CTIF: variants seen among roughly 807,000 people sequenced by gnomAD.
CTIF encodes the protein cap binding complex dependent translation initiation factor.
In CTIF, 21 loss-of-function variants were observed where a neutral mutation model predicts 66.0. The observed-to-expected ratio is 0.32, with a 90% CI of 0.23 to 0.46. CTIF has a LOEUF of 0.46. Among genes scored for constraint, CTIF ranks in the 20% least tolerant of loss-of-function variants. CTIF has a pLI of 1.00. For missense variants in CTIF, 739 were observed against 812.7 expected, an observed-to-expected ratio of 0.91 and a Z score of 1.10; for synonymous variants, 345 against 326.4, an observed-to-expected ratio of 1.06 and a Z score of -0.62.
At chr18:48,757,183 C>A (rs1343202136) in intron 7 of CTIF, among the ~76,000 whole-genome samples, 1 of 152,132 alleles carries the variant, frequency 6.6e-6, no homozygotes, top group African/African-American at 2.4e-5. Context: ...CAGATTAGGG[C>A]CCATCCTAAC....
At chr18:48,619,485 C>A in intron 1 of CTIF, 53 bp from the exon 2 acceptor site, 1 of 1,193,558 alleles carries the variant, frequency 8.4e-7, no homozygotes, top group Non-Finnish European at 1.1e-6. Flanking sequence ...GTGTGGGCAT[C>A]GTCGTCTCCT....
chr18:48,620,688 G>A (rs1325199280), intron 2 of CTIF, among the ~76,000 whole-genome samples: 3 of 152,242 alleles, frequency 2.0e-5, no homozygotes, highest in Non-Finnish European at 4.4e-5. Flanking sequence ...CTTATCTGGA[G>A]TCAGGGTTCT....
chr18:48,616,682 A>G (rs925329426), intron 1 of CTIF, among the ~76,000 whole-genome samples: 1 of 152,224 alleles, frequency 6.6e-6, no homozygotes, highest in African/African-American at 2.4e-5. Context: ...TGTCTGGGAC[A>G]TGACAAAGGC....
At chr18:48,849,899 T>A (rs2069163777) in intron 10 of CTIF, among the ~76,000 whole-genome samples, 1 of 152,176 alleles carries the variant, frequency 6.6e-6, no homozygotes, top group Non-Finnish European at 1.5e-5. Flanking sequence ...TAACCATTTT[T>A]AAGGGTGCAC....
At chr18:48,807,580 G>GT (rs36110913) in intron 9 of CTIF, among the ~76,000 whole-genome samples, 2,338 of 102,764 alleles carry the variant, frequency 0.023, 60 homozygotes, top group African/African-American at 0.049. Context: ...TTGTTGTTGT[G>GT]TTTTTTTTTT....
intron 9 of CTIF, among the ~76,000 whole-genome samples, chr18:48,791,492 C>A (rs1014336366): frequency 2.0e-5 from 3 of 152,202 alleles, no homozygotes; most frequent in African/African-American, 7.2e-5. Flanking sequence ...GCCTCTACCC[C>A]CAGCCCCCAA....
intron 9 of CTIF, among the ~76,000 whole-genome samples, chr18:48,812,484 TG>T (rs2068278136): frequency 6.6e-6 from 1 of 152,210 alleles, no homozygotes; most frequent in Non-Finnish European, 1.5e-5. Context: ...TTTCTTCCTT[TG>T]TAAGAAGACT....
chr18:48,651,723 A>T (rs1841749182), intron 3 of CTIF, among the ~76,000 whole-genome samples: 1 of 152,180 alleles, frequency 6.6e-6, no homozygotes, highest in Admixed American at 6.5e-5. Context: ...GAAGTAAAGC[A>T]CTCCTCAGCA....
chr18:48,693,447 C>A (rs983546797), intron 6 of CTIF, among the ~76,000 whole-genome samples: 3 of 152,154 alleles, frequency 2.0e-5, no homozygotes, highest in African/African-American at 7.2e-5. Flanking sequence ...TGGAGTGGGA[C>A]CTGGGCATCG....
intron 7 of CTIF, among the ~76,000 whole-genome samples, chr18:48,729,616 T>C (rs1350932921): frequency 1.3e-5 from 2 of 152,198 alleles, no homozygotes; most frequent in African/African-American, 2.4e-5. Context: ...CTGAGGCTGG[T>C]CCCAGACATC....
intron 7 of CTIF, among the ~76,000 whole-genome samples, chr18:48,743,980 T>C (rs2092575169): frequency 2.6e-5 from 4 of 152,182 alleles, no homozygotes; most frequent in Admixed American, 2.6e-4. Flanking sequence ...GTAAGTGCCT[T>C]ATAGGCCCAC....
intron 6 of CTIF, among the ~76,000 whole-genome samples, chr18:48,684,399 A>G (rs1011938326): frequency 6.6e-6 from 1 of 152,068 alleles, no homozygotes; most frequent in Non-Finnish European, 1.5e-5. Context: ...CACTGTTTTT[A>G]CTATTTTTTT....
At chr18:48,700,902 T>TTGAG (rs2092076302) in intron 6 of CTIF, among the ~76,000 whole-genome samples, 1 of 152,230 alleles carries the variant, frequency 6.6e-6, no homozygotes, top group South Asian at 2.1e-4. Context: ...TGAGGGTTTG[T>TTGAG]TGAGCATCAC....
chr18:48,756,428 A>C (rs1908371737), intron 7 of CTIF: 1 of 152,266 alleles, frequency 6.6e-6, no homozygotes, highest in South Asian at 2.1e-4. Flanking sequence ...GTAAATATTA[A>C]AATTGAATTT....
At chr18:48,645,818 G>C (rs1227670795) in intron 3 of CTIF, among the ~76,000 whole-genome samples, 1 of 152,198 alleles carries the variant, frequency 6.6e-6, no homozygotes, top group Non-Finnish European at 1.5e-5. Flanking sequence ...GTGACAGCAA[G>C]CACCCCTGCG....
rs1487534211 is a variant in CTIF, at chr18:48,862,296, G to T, written c.*2737G>T. On this transcript the variant is annotated 3_prime_UTR_variant, in exon 12 of 12. Transcript: ENST00000256413. The stretch of plus-strand genomic sequence containing the variant: ...CTAAGGCTTGCATTGCTTTCCCCTC[G>T]CCCGCGGTTCTTGGCGCATGGAAGA... 6.6e-6 allele frequency: 1 copy of T among 152,214 alleles called. No homozygotes were observed. The allele number at this position is 152,214 out of a possible 1,614,324, so 9.4% of individuals were successfully genotyped here.
At chr18:48,807,677 G>T (rs9950057) in intron 9 of CTIF, among the ~76,000 whole-genome samples, 74,914 of 150,750 alleles carry the variant, frequency 0.5, 19,889 homozygotes, top group African/African-American at 0.68. Flanking sequence ...ACCTCCAGGT[G>T]CAAGTGATTC....
chr18:48,824,973 G>T (rs1171734106), intron 10 of CTIF, among the ~76,000 whole-genome samples: 1 of 152,050 alleles, frequency 6.6e-6, no homozygotes, highest in Admixed American at 6.5e-5. Context: ...AGTTCCATGC[G>T]CCTGTTTTCC....
At chr18:48,670,979 T>A (rs1358369144) in intron 6 of CTIF, among the ~76,000 whole-genome samples, 3 of 152,182 alleles carry the variant, frequency 2.0e-5, no homozygotes, top group Admixed American at 1.3e-4. Flanking sequence ...CTGGCAGGCC[T>A]GATGTGCCCT....
Sources: allele counts gnomAD v4.1 joint callset (sites outside exome capture counted in the v4.1 genomes callset), GRCh38; gene constraint gnomAD v4.1.1; transcripts MANE v1.5; gene names NCBI Gene and HGNC (gene_info 2026-07-23, HGNC 2026-07-21).